MTMR2: variants seen among roughly 807,000 people sequenced by gnomAD.
MTMR2 encodes the protein phosphatidylinositol-3,5-bisphosphate 3-phosphatase MTMR2.
A neutral mutation model predicts 86.9 loss-of-function variants in MTMR2; 55 were observed. The ratio of observed to expected loss-of-function variants is 0.63; its 90% CI spans 0.51 to 0.79. The LOEUF is 0.79. MTMR2 is among the 30% of genes least tolerant of loss of function. MTMR2 has a pLI of 0.00. For synonymous variants in MTMR2, 241 were observed against 266.8 expected (o/e 0.90, Z 0.94); for missense variants, 659 against 772.3 (o/e 0.85, Z 1.74).
intron 7 of MTMR2, among the ~76,000 whole-genome samples, chr11:95,853,075 T>A (rs1864083423): frequency 6.7e-6 from 1 of 149,348 alleles, no homozygotes. Context: ...TTCACTGTAC[T>A]TTTTATTATA....
At position 95,834,435 on chromosome 11, in the gene MTMR2, T is replaced by C. The variant is rs1296382510; in HGVS notation, c.*855A>G. ...AATTCAGAAAAAATGTCAATCCTAGTAAGATTTTTAAATACTTCTTAAAAA... is the reference window on the plus strand; with the variant it reads ...AATTCAGAAAAAATGTCAATCCTAGCAAGATTTTTAAATACTTCTTAAAAA... On this transcript the variant is annotated 3_prime_UTR_variant, in exon 15 of 15. Transcript: ENST00000346299. 1 of 152,118 alleles carries C rather than the reference T, an allele frequency of 6.6e-6. No homozygotes were observed. Among genetic ancestry groups the C allele is most frequent in the Non-Finnish European group, 1.5e-5 (1 of 67,984 alleles). The allele number at this position is 152,118 out of a possible 1,614,324, so 9.4% of individuals were successfully genotyped here. A position where few individuals can be genotyped will look rare whatever the true frequency, so the allele number is the denominator to read the frequency against.
chr11:95,886,160 CT>C (rs1380891705), intron 2 of MTMR2, among the ~76,000 whole-genome samples: 1 of 152,032 alleles, frequency 6.6e-6, no homozygotes, highest in Non-Finnish European at 1.5e-5. Context: ...TAGGTAAAAA[CT>C]AAGGATATCT....
At chr11:95,906,019 G>A (rs953576472) in intron 1 of MTMR2, among the ~76,000 whole-genome samples, 1 of 152,182 alleles carries the variant, frequency 6.6e-6, no homozygotes, top group African/African-American at 2.4e-5. Context: ...GAAGCCAGGA[G>A]TTTGAGACCA....
chr11:95,902,848 CCT>C lies in MTMR2; in HGVS notation c.81-14589_81-14588del, dbSNP rs577641436. ...TCACTGCCACTTTCAGATTCTTCTA[CCT>C]CTCTGTCTCTAAAAACCCCAAGTAT... On this transcript the variant is annotated intron_variant, in intron 1 of 14. Coordinates refer to ENST00000346299, the MANE Select transcript of MTMR2 (RefSeq NM_016156.6). Among the ~76,000 whole-genome samples, 157 of 152,250 alleles carry C rather than the reference CCT, an allele frequency of 1.0e-3. 2 individuals are homozygous for C. Among genetic ancestry groups the C allele is most frequent in the Non-Finnish European group, 1.8e-3 (122 of 68,010 alleles).
At chr11:95,861,345 GA>G (rs1404895034) in intron 5 of MTMR2, among the ~76,000 whole-genome samples, 1 of 150,508 alleles carries the variant, frequency 6.6e-6, no homozygotes, top group Non-Finnish European at 1.5e-5. Flanking sequence ...GGCTCAAAGT[GA>G]AATCATCAAT....
In MTMR2 at chr11:95,849,711, A is replaced by G; in HGVS notation, c.956T>C (p.Phe319Ser). 6.2e-7 allele frequency: 1 copy of G among 1,614,064 alleles called. No individual in the cohort carries two copies. Among genetic ancestry groups the G allele is most frequent in the Non-Finnish European group, 8.5e-7 (1 of 1,179,950 alleles). Residue 319 changes from phenylalanine (F) to serine (S), a missense_variant, in exon 9 of 15, where the codon TTT becomes TCT. Physicochemically the swap from Phe to Ser is radical, Grantham distance 155. Around this residue, in one of 3 missense-constraint regions of MTMR2, gnomAD observed 387 missense variants for 526.3 expected, o/e 0.74. Transcript: ENST00000346299. ...SNAQSHKIFI[F>S]DARPSVNAVA... Reference sequence around the variant, plus strand: ...AGCATTAACACTTGGCCGGGCATCAAATATAAAGATTTTGTGAGACTGGGC... The same window carrying G: ...AGCATTAACACTTGGCCGGGCATCAGATATAAAGATTTTGTGAGACTGGGC...
At chr11:95,864,786 C>G (rs1864546813) in intron 3 of MTMR2, among the ~76,000 whole-genome samples, 1 of 152,080 alleles carries the variant, frequency 6.6e-6, no homozygotes, top group Admixed American at 6.6e-5. Flanking sequence ...ATTTAGAATA[C>G]AGGTCCTGCC....
intron 1 of MTMR2, among the ~76,000 whole-genome samples, chr11:95,917,581 T>C (rs1006165459): frequency 1.3e-5 from 2 of 152,136 alleles, no homozygotes; most frequent in Admixed American, 6.6e-5. Flanking sequence ...GACTTAACTA[T>C]TAATAGACTA....
intron 1 of MTMR2, among the ~76,000 whole-genome samples, chr11:95,919,442 C>T (rs534181185): frequency 6.6e-6 from 1 of 151,962 alleles, no homozygotes; most frequent in East Asian, 1.9e-4. Flanking sequence ...TTATATACTA[C>T]AAATTGATAA....
intron 9 of MTMR2, 64 bp from the exon 10 acceptor site, chr11:95,847,963 A>G: frequency 2.8e-6 from 4 of 1,448,564 alleles, no homozygotes; most frequent in South Asian, 1.2e-5. Context: ...AAGTGACATA[A>G]AATATCCAAT....
chr11:95,885,827 C>T (rs1591022868), intron 2 of MTMR2, among the ~76,000 whole-genome samples: 1 of 152,124 alleles, frequency 6.6e-6, no homozygotes, highest in Non-Finnish European at 1.5e-5. Context: ...AACCTAACAC[C>T]GCCTCAACCA....
chr11:95,849,967 T>A, intron 8 of MTMR2, 105 bp from the exon 9 acceptor site: 2 of 1,112,834 alleles, frequency 1.8e-6, no homozygotes, highest in Non-Finnish European at 2.7e-6. Context: ...ATCCAAAGCC[T>A]GGCCATGAAA....
intron 7 of MTMR2, among the ~76,000 whole-genome samples, chr11:95,851,423 G>C (rs1864019147): frequency 6.6e-6 from 1 of 151,786 alleles, no homozygotes; most frequent in Non-Finnish European, 1.5e-5. Context: ...GAGTGCAATG[G>C]CGCGATCTTG....
chr11:95,847,768 C>T lies in MTMR2; in HGVS notation c.1125G>A (p.Glu375=), dbSNP rs1043569332. The T allele has an allele frequency of 1.2e-6, 2 of 1,613,622 alleles. No homozygotes were observed. The highest frequency in any genetic ancestry group is 1.7e-6 in the Non-Finnish European group (2 of 1,179,652). Residue 375 remains glutamate (E), a synonymous_variant, in exon 10 of 15, where the codon GAG becomes GAA. Transcript: ENST00000346299. ...CCAAGTTAGACAACCAGTGGGTTTC[C>T]TCAATGTTGGGGTACACAATCTCCT... The part of the protein sequence containing the change: ...KLKEIVYPNI[E]ETHWLSNLES...
At position 95,908,493 on chromosome 11, in the gene MTMR2, T is replaced by A. The variant is rs74645250; in HGVS notation, c.80+15382A>T. ...TCACAAAATTAGAAAAAAACTATTC[T>A]AAAATTCATCTGGAACCAAAAAGAA... On this transcript the variant is annotated intron_variant, in intron 1 of 14. Transcript: ENST00000346299. Among the ~76,000 whole-genome samples the A allele has an allele frequency of 3.8e-4, 58 of 152,262 alleles. 1 individual carries two copies. In the East Asian group the frequency reaches 7.1e-3, roughly 19 times the overall value.
At chr11:95,916,275 G>C (rs77200408) in intron 1 of MTMR2, among the ~76,000 whole-genome samples, 227 of 152,148 alleles carry the variant, frequency 1.5e-3, no homozygotes, top group African/African-American at 5.2e-3. Flanking sequence ...CAGCACAAAG[G>C]CCTCACAGAT....
At chr11:95,868,463 G>A (rs578196743) in intron 2 of MTMR2, among the ~76,000 whole-genome samples, 1 of 151,764 alleles carries the variant, frequency 6.6e-6, no homozygotes, top group Non-Finnish European at 1.5e-5. Flanking sequence ...AAATTGCATT[G>A]GTTATTCAGA....
At chr11:95,856,671 G>A (rs1864228383) in intron 7 of MTMR2, among the ~76,000 whole-genome samples, 1 of 151,714 alleles carries the variant, frequency 6.6e-6, no homozygotes, top group Non-Finnish European at 1.5e-5. Context: ...TTTCTGTATG[G>A]GTATAGTTGT....
chr11:95,903,126 C>T (rs143665514), intron 1 of MTMR2, among the ~76,000 whole-genome samples: 1 of 152,294 alleles, frequency 6.6e-6, no homozygotes, highest in Non-Finnish European at 1.5e-5. Context: ...CTCAGCCATT[C>T]ACCTCAATGA....
Sources: allele counts gnomAD v4.1 joint callset (sites outside exome capture counted in the v4.1 genomes callset), GRCh38; gene constraint gnomAD v4.1.1; regional missense constraint gnomAD v4.1.1; transcripts MANE v1.5; gene names NCBI Gene and HGNC (gene_info 2026-07-23, HGNC 2026-07-21).